The following GRM7 variants were observed in gnomAD, a reference collection of about 807,000 sequenced individuals.
GRM7 encodes glutamate metabotropic receptor 7, also known as metabotropic glutamate receptor 7.
Under a neutral mutation model 84.5 loss-of-function variants are expected in GRM7, and 35 were observed. The observed-to-expected ratio is 0.41, with a 90% CI of 0.32 to 0.55. The LOEUF (loss-of-function observed/expected upper bound fraction) is 0.55. Among genes scored for constraint, GRM7 ranks in the 20% least tolerant of loss-of-function variants. The pLI, the probability that GRM7 is intolerant of heterozygous loss-of-function variation, is 0.19. For synonymous variants in GRM7, 487 were observed against 455.1 expected (o/e 1.07, Z -0.89); for missense variants, 1,003 against 1,194.6 (o/e 0.84, Z 2.36).
chr3:7,359,158 G>A (rs1575216150), intron 4 of GRM7, among the ~76,000 whole-genome samples: 1 of 62,802 alleles, frequency 1.6e-5, no homozygotes, highest in Non-Finnish European at 3.6e-5. Context: ...CTTAGGTCTA[G>A]GTCTATGTAT....
intron 1 of GRM7, among the ~76,000 whole-genome samples, chr3:7,085,650 A>C (rs1014999893): frequency 6.6e-6 from 1 of 152,150 alleles, no homozygotes; most frequent in African/African-American, 2.4e-5. Context: ...CTTTTTACTC[A>C]AAAGTTAAGA....
rs114919634 is a variant in GRM7, at chr3:7,369,110, G to A, written c.1034-45913G>A. Among the ~76,000 whole-genome samples, 655 of 152,114 alleles carry A rather than the reference G, an allele frequency of 4.3e-3. 4 individuals are homozygous for A. The highest frequency in any genetic ancestry group is 0.015 in the African/African-American group (625 of 41,498). On this transcript the variant is annotated intron_variant, in intron 4 of 9. Coordinates refer to ENST00000357716, the MANE Select transcript of GRM7 (RefSeq NM_000844.4). The stretch of plus-strand genomic sequence containing the variant: ...GTCTTTCTCTGTCACCCTGGAGTAT[G>A]GTGGCACGATCATAGTTCACTACAG...
rs113076621 is a variant in GRM7, at chr3:7,584,138, G to C, written c.2451+4781G>C. On this transcript the variant is annotated intron_variant, in intron 8 of 9. Coordinates refer to ENST00000357716, the MANE Select transcript of GRM7 (RefSeq NM_000844.4). ...ATTACTCGTTAAAAAGTGAGGGACA[G>C]TGTTTTCAACACATAGCACATAGAG... 4.8e-3 allele frequency among the ~76,000 whole-genome samples: 730 copies of C among 152,310 alleles called. 5 individuals carry two copies. Among genetic ancestry groups the C allele is most frequent in the African/African-American group, 0.016 (665 of 41,564 alleles).
intron 4 of GRM7, among the ~76,000 whole-genome samples, chr3:7,326,899 T>C (rs1701010919): frequency 6.6e-6 from 1 of 152,110 alleles, no homozygotes; most frequent in Non-Finnish European, 1.5e-5. Flanking sequence ...CTATAATTCC[T>C]TAAAGATACC....
intron 4 of GRM7, among the ~76,000 whole-genome samples, chr3:7,411,619 G>A (rs1392485873): frequency 2.0e-5 from 3 of 152,050 alleles, no homozygotes; most frequent in African/African-American, 4.8e-5. Context: ...AAATGATACC[G>A]AATGCATTCT....
chr3:6,998,242 A>T (rs549571556), intron 1 of GRM7, among the ~76,000 whole-genome samples: 6 of 151,996 alleles, frequency 3.9e-5, no homozygotes, highest in Non-Finnish European at 7.4e-5. Flanking sequence ...TACAGGCCCC[A>T]TTCAAGTTGG....
chr3:7,048,586 C>T (rs1332857900), intron 1 of GRM7, among the ~76,000 whole-genome samples: 3 of 151,558 alleles, frequency 2.0e-5, no homozygotes, highest in African/African-American at 7.3e-5. Context: ...CCCCATTTTT[C>T]TCATAATTTA....
At chr3:7,117,525 G>A (rs377592116) in intron 1 of GRM7, among the ~76,000 whole-genome samples, 5 of 152,128 alleles carry the variant, frequency 3.3e-5, no homozygotes, top group Non-Finnish European at 7.4e-5. Context: ...CCTGCATCAA[G>A]TGGTCTAAGC....
intron 2 of GRM7, among the ~76,000 whole-genome samples, chr3:7,202,184 T>C (rs576035419): frequency 6.6e-6 from 1 of 152,346 alleles, no homozygotes; most frequent in East Asian, 1.9e-4. Flanking sequence ...CCATGATATA[T>C]GTAGAAGATA....
chr3:7,254,013 C>G (rs1184647167), intron 2 of GRM7, among the ~76,000 whole-genome samples: 10 of 152,168 alleles, frequency 6.6e-5, no homozygotes. Context: ...CTTTCTCCCT[C>G]CAACCCTGGA....
At position 7,544,005 on chromosome 3, in the gene GRM7, A is replaced by C. The variant is rs543040853; in HGVS notation, c.1516-34417A>C. ...TCCACAATTATGTCAGGAAATCTAG[A>C]CATAAAGCTCTTGATTGATTTCAAG... On this transcript the variant is annotated intron_variant, in intron 7 of 9. Transcript: ENST00000357716. Among the ~76,000 whole-genome samples the C allele has an allele frequency of 2.2e-4, 33 of 152,206 alleles. 1 individual carries two copies. The highest frequency in any genetic ancestry group is 7.9e-4 in the Admixed American group (12 of 15,282).
At chr3:7,077,416 C>G (rs1024710561) in intron 1 of GRM7, among the ~76,000 whole-genome samples, 2 of 152,098 alleles carry the variant, frequency 1.3e-5, no homozygotes, top group Admixed American at 1.3e-4. Context: ...AGTTCATGTG[C>G]TTTGCAGGAC....
At position 7,634,833 on chromosome 3, in the gene GRM7, G is replaced by A. The variant is rs144233561; in HGVS notation, c.2452-45216G>A. 2.0e-3 allele frequency among the ~76,000 whole-genome samples: 302 copies of A among 151,862 alleles called. 2 individuals are homozygous for A. Among genetic ancestry groups the A allele is most frequent in the Non-Finnish European group, 3.0e-3 (205 of 67,952 alleles). On this transcript the variant is annotated intron_variant, in intron 8 of 9. Coordinates refer to ENST00000357716, the MANE Select transcript of GRM7 (RefSeq NM_000844.4). ...AAAAAGAAAAAGAAAAAAGAAATCC[G>A]CAGATCTTTCAAGGCTATGGTACTT... is the stretch of plus-strand genomic sequence containing the variant.
At position 7,174,445 on chromosome 3, in the gene GRM7, G is replaced by C. The variant is rs181288358; in HGVS notation, c.736+27777G>C. On this transcript the variant is annotated intron_variant, in intron 2 of 9. Transcript: ENST00000357716. Reference sequence around the variant, plus strand: ...ATCATCATGCTAGGTTTCAATCCCAGCTCTCATCTTTAATTGCTGTTTGTC... The same window carrying C: ...ATCATCATGCTAGGTTTCAATCCCACCTCTCATCTTTAATTGCTGTTTGTC... Among the ~76,000 whole-genome samples, 160 of 152,272 alleles carry C rather than the reference G, an allele frequency of 1.1e-3. 1 individual carries two copies. The highest frequency in any genetic ancestry group is 3.7e-3 in the African/African-American group (153 of 41,564).
chr3:7,127,052 A>G (rs1012253190), intron 1 of GRM7, among the ~76,000 whole-genome samples: 9 of 152,262 alleles, frequency 5.9e-5, no homozygotes, highest in African/African-American at 2.2e-4. Flanking sequence ...AGCTGAAAAC[A>G]TCCCCAAACT....
At chr3:7,143,037 A>G (rs1694000110) in intron 1 of GRM7, among the ~76,000 whole-genome samples, 1 of 152,212 alleles carries the variant, frequency 6.6e-6, no homozygotes, top group Admixed American at 6.5e-5. Flanking sequence ...CAGTGTTATC[A>G]CACTAAATTG....
At chr3:6,907,106 G>C (rs561897517) in intron 1 of GRM7, among the ~76,000 whole-genome samples, 42 of 152,064 alleles carry the variant, frequency 2.8e-4, no homozygotes, top group Non-Finnish European at 5.1e-4. Flanking sequence ...GTGTCTTGCC[G>C]TGTTGCCCAG....
chr3:6,984,637 T>C (rs1694334577), intron 1 of GRM7, among the ~76,000 whole-genome samples: 1 of 152,188 alleles, frequency 6.6e-6, no homozygotes, highest in South Asian at 2.1e-4. Flanking sequence ...CATCTACACA[T>C]GCCTTTTAGT....
intron 9 of GRM7, among the ~76,000 whole-genome samples, chr3:7,702,697 T>C (rs1168320563): frequency 6.6e-6 from 1 of 152,196 alleles, no homozygotes. Context: ...ATATTCAAAC[T>C]CCATTTGCAC....
Sources: allele counts gnomAD v4.1 joint callset (sites outside exome capture counted in the v4.1 genomes callset), GRCh38; gene constraint gnomAD v4.1.1; transcripts MANE v1.5; gene names NCBI Gene and HGNC (gene_info 2026-07-23, HGNC 2026-07-21).